Variants in VAV3 observed in about 807,000 individuals in gnomAD.
VAV3 encodes guanine nucleotide exchange factor VAV3.
VAV3 carries 94 observed loss-of-function variants against 131.2 expected under a neutral mutation model. The ratio of observed to expected loss-of-function variants is 0.72; its 90% confidence interval spans 0.61 to 0.85. The LOEUF (loss-of-function observed/expected upper bound fraction) is 0.85. Among genes scored for constraint, VAV3 ranks in the 40% least tolerant of loss-of-function variants. VAV3 has a pLI of 0.00. For synonymous variants in VAV3, 349 were observed against 342.0 expected (o/e 1.02, Z -0.22); for missense variants, 939 against 1,002.7 (o/e 0.94, Z 0.86).
chr1:107,916,031 C>T (rs1283335365), intron 1 of VAV3, among the ~76,000 whole-genome samples: 1 of 152,084 alleles, frequency 6.6e-6, no homozygotes, highest in Non-Finnish European at 1.5e-5. Context: ...CAGAGAAGGC[C>T]TTCAAGCCAT....
At chr1:107,768,096 G>C (rs984961066) in intron 7 of VAV3, among the ~76,000 whole-genome samples, 1 of 152,142 alleles carries the variant, frequency 6.6e-6, no homozygotes, top group Non-Finnish European at 1.5e-5. Flanking sequence ...AAGGTCTGAG[G>C]GTCTGGAAGA....
At chr1:107,706,904 A>C (rs1445072618) in intron 15 of VAV3, among the ~76,000 whole-genome samples, 1 of 152,156 alleles carries the variant, frequency 6.6e-6, no homozygotes, top group Non-Finnish European at 1.5e-5. Context: ...AATTTCAAAA[A>C]TCTGCCTCGG....
At chr1:107,865,726 G>A (rs1669953748) in intron 2 of VAV3, among the ~76,000 whole-genome samples, 1 of 152,114 alleles carries the variant, frequency 6.6e-6, no homozygotes, top group South Asian at 2.1e-4. Context: ...GGCAAGAGTG[G>A]ACAGGAAAGG....
intron 2 of VAV3, among the ~76,000 whole-genome samples, chr1:107,839,816 G>T (rs973900134): frequency 1.3e-5 from 2 of 152,010 alleles, no homozygotes; most frequent in African/African-American, 4.8e-5. Flanking sequence ...GACACAAATT[G>T]CTAATATCAG....
At chr1:107,800,581 C>A (rs562442790) in intron 2 of VAV3, among the ~76,000 whole-genome samples, 42 of 152,230 alleles carry the variant, frequency 2.8e-4, no homozygotes, top group Non-Finnish European at 5.0e-4. Flanking sequence ...AGATTTGTTA[C>A]ATGGGAATAT....
intron 1 of VAV3, among the ~76,000 whole-genome samples, chr1:107,875,750 T>C (rs1557896046): frequency 6.6e-6 from 1 of 152,096 alleles, no homozygotes; most frequent in South Asian, 2.1e-4. Flanking sequence ...GTGCTGAATA[T>C]AGAGTGAAAG....
chr1:107,803,513 T>C (rs552035440), intron 2 of VAV3, among the ~76,000 whole-genome samples: 47 of 152,262 alleles, frequency 3.1e-4, no homozygotes, highest in Non-Finnish European at 5.7e-4. Context: ...GACCCTTTGG[T>C]CATTTAGGAG....
chr1:107,777,996 G>A (rs914029047), intron 3 of VAV3, among the ~76,000 whole-genome samples: 1 of 152,064 alleles, frequency 6.6e-6, no homozygotes, highest in Non-Finnish European at 1.5e-5. Context: ...TTTGCATCAT[G>A]GTACTATGTC....
chr1:107,821,959 CA>C (rs1444789243), intron 2 of VAV3, among the ~76,000 whole-genome samples: 1 of 152,104 alleles, frequency 6.6e-6, no homozygotes, highest in Non-Finnish European at 1.5e-5. Context: ...AGAAAGTGGG[CA>C]CTTTTAAAGA....
In VAV3 at chr1:107,757,164, T is replaced by A. The variant is rs574819481; in HGVS notation, c.1086+97A>T. 162 of 735,148 alleles carry A rather than the reference T, an allele frequency of 2.2e-4. No individual in the cohort carries two copies. In the East Asian group the frequency reaches 2.8e-3, roughly 13 times the overall value. The allele number at this position is 735,148 out of a possible 1,614,324, so 45.5% of individuals were successfully genotyped here. ...ATATATGTGTGTATATGTGTGTGTGTGTGTGTGTGTGTGTGTGTGTGTGTA... is the reference window on the plus strand; with the variant it reads ...ATATATGTGTGTATATGTGTGTGTGAGTGTGTGTGTGTGTGTGTGTGTGTA... On this transcript the variant is annotated intron_variant, in intron 11 of 26. Transcript: ENST00000370056.
intron 5 of VAV3, among the ~76,000 whole-genome samples, chr1:107,772,530 G>A (rs1200000384): frequency 6.6e-6 from 1 of 152,060 alleles, no homozygotes; most frequent in Non-Finnish European, 1.5e-5. Flanking sequence ...GAAATGAAAA[G>A]ACTAGACAAA....
At chr1:107,751,312 A>T in intron 12 of VAV3, 110 bp from the exon 13 acceptor site, 1 of 863,478 alleles carries the variant, frequency 1.2e-6, no homozygotes, top group Non-Finnish European at 1.8e-6. Context: ...TTAAAATGTT[A>T]CCATTTTTTA....
chr1:107,639,163 A>C (rs2101476060), intron 20 of VAV3, among the ~76,000 whole-genome samples: 1 of 129,972 alleles, frequency 7.7e-6, no homozygotes, highest in African/African-American at 2.6e-5. Context: ...TACCATATAC[A>C]AAAAAAAACC....
chr1:107,626,080 T>G (rs1463131058), intron 20 of VAV3, among the ~76,000 whole-genome samples: 1 of 152,208 alleles, frequency 6.6e-6, no homozygotes, highest in Non-Finnish European at 1.5e-5. Flanking sequence ...TGTCCTCATC[T>G]AAGTATATTA....
At chr1:107,875,046 A>G (rs1260426454) in intron 1 of VAV3, 29 bp from the exon 2 acceptor site, 8 of 1,569,926 alleles carry the variant, frequency 5.1e-6, no homozygotes, top group Non-Finnish European at 6.1e-6. Flanking sequence ...CTGTTAGCAT[A>G]AAGTTAATTA....
chr1:107,932,019 C>G (rs17020387), intron 1 of VAV3, among the ~76,000 whole-genome samples: 1 of 152,152 alleles, frequency 6.6e-6, no homozygotes, highest in East Asian at 1.9e-4. Flanking sequence ...CATAGCACAA[C>G]GATAGCTCTC....
intron 19 of VAV3, among the ~76,000 whole-genome samples, chr1:107,651,509 T>A (rs375208261): frequency 1.3e-4 from 19 of 143,594 alleles, no homozygotes; most frequent in East Asian, 4.2e-4. Flanking sequence ...TTATTTATTT[T>A]TTTTCAAAAA....
chr1:107,892,719 A>G (rs1671368618), intron 1 of VAV3, among the ~76,000 whole-genome samples: 3 of 152,146 alleles, frequency 2.0e-5, no homozygotes, highest in Admixed American at 1.3e-4. Flanking sequence ...TTCTAAAATT[A>G]TTTTGTCAGT....
chr1:107,602,404 C>T lies in VAV3; in HGVS notation c.2213G>A (p.Ser738Asn). 6.4e-7 allele frequency: 1 copy of T among 1,562,668 alleles called. No homozygotes were observed. Among genetic ancestry groups the T allele is most frequent in the Non-Finnish European group, 8.6e-7 (1 of 1,158,852 alleles). Residue 738 changes from serine (S) to asparagine (N), a missense_variant, in exon 24 of 27, where the codon AGT becomes AAT. Coordinates refer to ENST00000370056, the MANE Select transcript of VAV3 (RefSeq NM_006113.5). Reference sequence around the variant, plus strand: ...GAAATAATCAATGCTTACCATTAAACTTTTAAATTTTCTATTTTCTGCAAT... The same window carrying T: ...GAAATAATCAATGCTTACCATTAAATTTTTAAATTTTCTATTTTCTGCAAT... The part of the protein sequence containing the change: ...FHIAENRKFK[S>N]LMELVEYYKH...
Sources: gnomAD v4.1 joint callset for allele counts (sites outside exome capture counted in the v4.1 genomes callset) on GRCh38, gnomAD v4.1.1 for gene constraint, MANE v1.5 for transcripts, NCBI Gene and HGNC (gene_info 2026-07-23, HGNC 2026-07-21) for gene names.